MORN5: variants seen among roughly 807,000 people sequenced by gnomAD.
The protein encoded by MORN5 is MORN repeat containing 5.
Under a neutral mutation model 22.1 loss-of-function variants are expected in MORN5, and 21 were observed. The ratio of observed to expected loss-of-function variants is 0.95; its 90% CI spans 0.67 to 1.37. The LOEUF is 1.37. MORN5 is among the 40% of genes most tolerant of loss of function. The pLI is 0.00. For missense variants in MORN5, 211 were observed against 215.1 expected, an observed-to-expected ratio of 0.98 and a Z score of 0.12; for synonymous variants, 73 against 74.0, an observed-to-expected ratio of 0.99 and a Z score of 0.07.
intron 4 of MORN5, among the ~76,000 whole-genome samples, chr9:122,179,237 C>A (rs193157983): frequency 6.6e-6 from 1 of 152,130 alleles, no homozygotes; most frequent in African/African-American, 2.4e-5. Context: ...GGGCAAGAGA[C>A]GAAGCCCGAG....
intron 4 of MORN5, among the ~76,000 whole-genome samples, chr9:122,183,378 A>C (rs962685801): frequency 4.6e-5 from 7 of 152,180 alleles, no homozygotes; most frequent in Non-Finnish European, 7.3e-5. Flanking sequence ...AGTAGTAATC[A>C]TCTGCAAAAT....
intron 4 of MORN5, chr9:122,174,831 A>G: frequency 2.1e-6 from 3 of 1,405,990 alleles, no homozygotes; most frequent in Non-Finnish European, 2.8e-6. Flanking sequence ...GTAAAAGCAC[A>G]TTCGTGGTCT....
intron 4 of MORN5, among the ~76,000 whole-genome samples, chr9:122,175,249 G>A (rs914545116): frequency 1.3e-5 from 2 of 152,176 alleles, no homozygotes; most frequent in Non-Finnish European, 2.9e-5. Flanking sequence ...ACAAGGCCTG[G>A]GGAGAGGGTT....
intron 2 of MORN5, 125 bp downstream of exon 2, chr9:122,167,040 T>G: frequency 2.7e-6 from 2 of 735,410 alleles, no homozygotes; most frequent in Non-Finnish European, 4.0e-6. Context: ...TCTTTGCTTC[T>G]CCCCCACTCC....
intron 3 of MORN5, among the ~76,000 whole-genome samples, chr9:122,173,824 G>A (rs1829403414): frequency 1.3e-5 from 2 of 152,136 alleles, no homozygotes; most frequent in Non-Finnish European, 2.9e-5. Context: ...CTTCCTAGCT[G>A]GATAACCTTG....
intron 4 of MORN5, among the ~76,000 whole-genome samples, chr9:122,188,907 A>G (rs1829699588): frequency 6.6e-6 from 1 of 152,112 alleles, no homozygotes; most frequent in Admixed American, 6.5e-5. Context: ...GCATTTAAAG[A>G]TATGTACCTG....
chr9:122,175,407 G>T (rs530522502), intron 4 of MORN5: 2 of 939,776 alleles, frequency 2.1e-6, no homozygotes, highest in Non-Finnish European at 2.5e-6. Context: ...AGGCTGATCA[G>T]ACTGAGAAGA....
chr9:122,164,533 T>C (rs1829248753), intron 1 of MORN5: 3 of 976,910 alleles, frequency 3.1e-6, no homozygotes, highest in Non-Finnish European at 3.6e-6. Flanking sequence ...TCTGATACCA[T>C]TCATGGAAAT....
intron 4 of MORN5, among the ~76,000 whole-genome samples, chr9:122,188,146 A>G (rs763959695): frequency 1.3e-5 from 2 of 152,230 alleles, no homozygotes; most frequent in Non-Finnish European, 2.9e-5. Flanking sequence ...AGAGCCTTGA[A>G]TAGCAGGTTA....
intron 1 of MORN5, among the ~76,000 whole-genome samples, chr9:122,161,640 G>T (rs1424269249): frequency 3.9e-5 from 6 of 152,226 alleles, no homozygotes; most frequent in Non-Finnish European, 5.9e-5. Context: ...CTACAGTGAA[G>T]GTGGTAGAAT....
chr9:122,188,288 A>C (rs1829681675), intron 4 of MORN5, among the ~76,000 whole-genome samples: 1 of 152,250 alleles, frequency 6.6e-6, no homozygotes, highest in Non-Finnish European at 1.5e-5. Flanking sequence ...GCACCCACTC[A>C]CATGAGCTGG....
intron 1 of MORN5, among the ~76,000 whole-genome samples, chr9:122,160,304 T>C (rs1165473700): frequency 6.6e-6 from 1 of 152,202 alleles, no homozygotes; most frequent in Non-Finnish European, 1.5e-5. Flanking sequence ...GAGTTTATAA[T>C]CCAGTTGGAG....
intron 1 of MORN5, among the ~76,000 whole-genome samples, chr9:122,162,284 G>A (rs1829211624): frequency 6.6e-6 from 1 of 152,152 alleles, no homozygotes. Flanking sequence ...AATTTAGGGA[G>A]GGGATATTTT....
At chr9:122,196,531 C>G (rs1787991542) in intron 4 of MORN5, among the ~76,000 whole-genome samples, 1 of 151,952 alleles carries the variant, frequency 6.6e-6, no homozygotes, top group African/African-American at 2.4e-5. Context: ...CAGGGTTTCA[C>G]CATGTTGGCC....
intron 1 of MORN5, among the ~76,000 whole-genome samples, chr9:122,165,074 C>T (rs1281290736): frequency 6.6e-6 from 1 of 152,196 alleles, no homozygotes; most frequent in African/African-American, 2.4e-5. Flanking sequence ...AAGTGTTACA[C>T]ATCCCGACAG....
At chr9:122,167,589 G>C (rs958978483) in intron 2 of MORN5, among the ~76,000 whole-genome samples, 1 of 152,060 alleles carries the variant, frequency 6.6e-6, no homozygotes, top group Admixed American at 6.5e-5. Flanking sequence ...GATCTGTGGA[G>C]AGGCCATGAT....
At chr9:122,176,194 G>A (rs1187414442) in intron 4 of MORN5, among the ~76,000 whole-genome samples, 1 of 150,982 alleles carries the variant, frequency 6.6e-6, no homozygotes, top group African/African-American at 2.4e-5. Flanking sequence ...TAAGATGCCC[G>A]TAACCCACTG....
intron 1 of MORN5, among the ~76,000 whole-genome samples, chr9:122,162,646 G>T (rs1266299755): frequency 6.6e-6 from 1 of 152,100 alleles, no homozygotes. Flanking sequence ...GCAATAAAAA[G>T]GAGTGAACTA....
At chr9:122,199,151 G>A (rs908832577) in intron 4 of MORN5, among the ~76,000 whole-genome samples, 1 of 152,140 alleles carries the variant, frequency 6.6e-6, no homozygotes, top group Non-Finnish European at 1.5e-5. Context: ...CTTTATTTGA[G>A]GTTTAAAAAA....
Sources: allele counts gnomAD v4.1 joint callset (sites outside exome capture counted in the v4.1 genomes callset), GRCh38; gene constraint gnomAD v4.1.1; transcripts MANE v1.5; gene names NCBI Gene and HGNC (gene_info 2026-07-23, HGNC 2026-07-21).